Variants in WWOX observed in about 807,000 individuals in gnomAD.
The protein encoded by WWOX is WW domain-containing oxidoreductase.
A neutral mutation model predicts 46.2 loss-of-function variants in WWOX; 69 were observed. The observed-to-expected ratio is 1.49, with a 90% CI of 1.23 to 1.82. The LOEUF is 1.82. Among genes scored for constraint, WWOX ranks in the 40% most tolerant of loss-of-function variants. WWOX has a pLI of 0.00. For missense variants in WWOX, 919 were observed against 542.6 expected (o/e 1.69, Z -6.89); for synonymous variants, 359 against 202.6 (o/e 1.77, Z -6.56).
chr16:78,118,150 G>A (rs964964883), intron 4 of WWOX, among the ~76,000 whole-genome samples: 4 of 151,754 alleles, frequency 2.6e-5, no homozygotes, highest in East Asian at 3.9e-4. Context: ...AGACTTTAGG[G>A]TTGCACTAGA....
At chr16:78,870,539 A>C (rs2044104276) in intron 8 of WWOX, among the ~76,000 whole-genome samples, 1 of 151,910 alleles carries the variant, frequency 6.6e-6, no homozygotes, top group Admixed American at 6.6e-5. Context: ...TGATCTTTTA[A>C]ATATGTAATT....
intron 5 of WWOX, among the ~76,000 whole-genome samples, chr16:78,187,865 G>C (rs2035759422): frequency 6.6e-6 from 1 of 152,214 alleles, no homozygotes; most frequent in African/African-American, 2.4e-5. Context: ...TTTTAAAGGA[G>C]AAAGGTAGAT....
At chr16:78,830,903 C>T (rs546435091) in intron 8 of WWOX, among the ~76,000 whole-genome samples, 87 of 152,196 alleles carry the variant, frequency 5.7e-4, no homozygotes, top group South Asian at 1.0e-3. Flanking sequence ...AGGTCAGGTG[C>T]GTCTTCTTCA....
chr16:78,727,044 C>T (rs887137621), intron 8 of WWOX, among the ~76,000 whole-genome samples: 8 of 152,174 alleles, frequency 5.3e-5, no homozygotes, highest in East Asian at 1.9e-4. Flanking sequence ...TATTCCAGCA[C>T]GTGGCATCGC....
intron 8 of WWOX, among the ~76,000 whole-genome samples, chr16:78,906,693 A>G (rs919112606): frequency 2.0e-5 from 3 of 152,154 alleles, no homozygotes; most frequent in Non-Finnish European, 4.4e-5. Flanking sequence ...TGTGGGAAGG[A>G]CCTTATCCTG....
intron 8 of WWOX, among the ~76,000 whole-genome samples, chr16:78,484,509 C>T (rs535066812): frequency 1.3e-5 from 2 of 152,136 alleles, no homozygotes; most frequent in Non-Finnish European, 2.9e-5. Context: ...GACTTATTAG[C>T]TGCATTTATA....
In WWOX at chr16:79,031,950, A is replaced by C. The variant is rs546651939; in HGVS notation, c.1057-179658A>C. On this transcript the variant is annotated intron_variant, in intron 8 of 8. Transcript: ENST00000566780. ...TAGATATCTGTATACAGATATCTGT[A>C]TATATATATAGAAAGAGAGGGAACT... Among the ~76,000 whole-genome samples the C allele has an allele frequency of 8.2e-3, 1,168 of 141,690 alleles. 31 individuals are homozygous for C. The highest frequency in any genetic ancestry group is 0.028 in the African/African-American group (1,072 of 38,728). The allele number at this position is 141,690 out of a possible 152,430, so 93.0% of individuals were successfully genotyped here.
At chr16:78,912,846 A>G (rs1321675494) in intron 8 of WWOX, among the ~76,000 whole-genome samples, 2 of 151,964 alleles carry the variant, frequency 1.3e-5, no homozygotes, top group Non-Finnish European at 2.9e-5. Flanking sequence ...GGTCAGACGT[A>G]TTATCATTGG....
At chr16:79,193,256 C>A (rs2150812701) in intron 8 of WWOX, among the ~76,000 whole-genome samples, 1 of 152,294 alleles carries the variant, frequency 6.6e-6, no homozygotes, top group East Asian at 1.9e-4. Context: ...CCCTTGGGGG[C>A]CCTGTAAAAT....
At chr16:78,573,077 G>A (rs2044758921) in intron 8 of WWOX, among the ~76,000 whole-genome samples, 3 of 152,136 alleles carry the variant, frequency 2.0e-5, no homozygotes, top group South Asian at 4.1e-4. Context: ...CACGAGGTCA[G>A]GAGAGAGACC....
chr16:78,128,435 T>G (rs926245508), intron 4 of WWOX, among the ~76,000 whole-genome samples: 4 of 152,218 alleles, frequency 2.6e-5, no homozygotes, highest in Admixed American at 1.3e-4. Flanking sequence ...TTCTGTGGGT[T>G]GCAGTTGTGT....
intron 8 of WWOX, among the ~76,000 whole-genome samples, chr16:79,161,570 T>C (rs28637516): frequency 0.022 from 3,278 of 152,286 alleles, 121 homozygotes; most frequent in African/African-American, 0.075. Flanking sequence ...TTGCCCAGGC[T>C]GGAGTGCAGT....
intron 8 of WWOX, among the ~76,000 whole-genome samples, chr16:78,971,337 C>T (rs74408311): frequency 6.6e-6 from 1 of 151,468 alleles, no homozygotes; most frequent in Non-Finnish European, 1.5e-5. Flanking sequence ...CACTTGTAAT[C>T]CCAGCTACTC....
At chr16:79,175,718 C>T (rs1040742337) in intron 8 of WWOX, among the ~76,000 whole-genome samples, 17 of 152,110 alleles carry the variant, frequency 1.1e-4, no homozygotes, top group African/African-American at 2.7e-4. Flanking sequence ...GTCCTGGCAC[C>T]GATGTTTAAC....
intron 8 of WWOX, among the ~76,000 whole-genome samples, chr16:78,805,294 C>T (rs1031839152): frequency 1.3e-5 from 2 of 152,140 alleles, no homozygotes; most frequent in Non-Finnish European, 2.9e-5. Flanking sequence ...ACCCTGTCGC[C>T]CAGGCTCGAG....
At chr16:79,081,121 G>A (rs953220138) in intron 8 of WWOX, among the ~76,000 whole-genome samples, 1 of 152,140 alleles carries the variant, frequency 6.6e-6, no homozygotes, top group African/African-American at 2.4e-5. Flanking sequence ...CCTGTGTGGA[G>A]ATAAGAAAAT....
intron 8 of WWOX, among the ~76,000 whole-genome samples, chr16:78,820,334 A>G (rs748694158): frequency 2.0e-5 from 3 of 152,190 alleles, no homozygotes; most frequent in Non-Finnish European, 2.9e-5. Context: ...ATGCCCTCCA[A>G]CAGTGGAAGT....
At chr16:78,248,834 C>G (rs2037898261) in intron 5 of WWOX, among the ~76,000 whole-genome samples, 1 of 151,522 alleles carries the variant, frequency 6.6e-6, no homozygotes, top group Non-Finnish European at 1.5e-5. Flanking sequence ...CTCAGGACAA[C>G]CCTCTGAGGA....
chr16:78,921,640 A>C (rs1007753393), intron 8 of WWOX, among the ~76,000 whole-genome samples: 1 of 152,194 alleles, frequency 6.6e-6, no homozygotes, highest in East Asian at 1.9e-4. Context: ...GATGACCTAC[A>C]GGTCATGGAG....
Sources: gnomAD v4.1 joint callset for allele counts (sites outside exome capture counted in the v4.1 genomes callset) on GRCh38, gnomAD v4.1.1 for gene constraint, MANE v1.5 for transcripts, NCBI Gene and HGNC (gene_info 2026-07-23, HGNC 2026-07-21) for gene names.